The following BOD1L1 variants were observed in gnomAD, a reference collection of about 807,000 sequenced individuals.
BOD1L1 encodes the protein biorientation of chromosomes in cell division 1 like 1.
In BOD1L1, 86 loss-of-function variants were observed where a neutral mutation model predicts 240.7. That is an observed-to-expected ratio of 0.36 (90% CI 0.30 to 0.43). BOD1L1 has a LOEUF of 0.43. BOD1L1 is among the 20% of genes least tolerant of loss of function. The probability of loss-of-function intolerance (pLI) is 1.00; values close to 1 mark genes in which losing one functional copy is unlikely to be tolerated. For missense variants in BOD1L1, 3,554 were observed against 3,643.5 expected, an observed-to-expected ratio of 0.98 and a Z score of 0.63; for synonymous variants, 1,268 against 1,272.3, an observed-to-expected ratio of 1.00 and a Z score of 0.07.
At chr4:13,586,853 A>G (rs1560186325) in intron 16 of BOD1L1, among the ~76,000 whole-genome samples, 1 of 152,180 alleles carries the variant, frequency 6.6e-6, no homozygotes, top group African/African-American at 2.4e-5. Context: ...GTGAAGATAA[A>G]GTCGTAATTT....
At position 13,576,956 on chromosome 4, in the gene BOD1L1, C is replaced by G. The variant is rs1712801329; in HGVS notation, c.8920G>C (p.Val2974Leu). 1.9e-6 allele frequency: 3 copies of G among 1,613,930 alleles called. No individual in the cohort carries two copies. Among genetic ancestry groups the G allele is most frequent in the Non-Finnish European group, 2.5e-6 (3 of 1,179,854 alleles). ...SEPERKRQKS[V>L]SDPVEDKKEQ... Reference sequence around the variant, plus strand: ...TTCTTGTCCTCCACTGGATCAGAAACTGATTTCTGGCGTTTTCTTTCTGGC... The same window carrying G: ...TTCTTGTCCTCCACTGGATCAGAAAGTGATTTCTGGCGTTTTCTTTCTGGC... The change falls in exon 25 of 26, where the codon GTT becomes CTT. Residue 2974 changes from valine to leucine, a missense_variant. By Grantham distance (32) the Val-to-Leu change is conservative. Around this residue, in one of 2 missense-constraint regions of BOD1L1, gnomAD observed 3,393 missense variants for 3,427.1 expected, o/e 0.99. Transcript: ENST00000040738.
intron 17 of BOD1L1, 64 bp from the exon 18 acceptor site, chr4:13,582,800 CCCACA>C (rs1713343879): frequency 9.0e-7 from 1 of 1,107,692 alleles, no homozygotes; most frequent in Non-Finnish European, 1.3e-6. Context: ...ATTCATCCTC[CCCACA>C]CAAGTTTGCC....
chr4:13,611,123 A>G, intron 5 of BOD1L1, 23 bp from the exon 6 acceptor site: 1 of 1,543,016 alleles, frequency 6.5e-7, no homozygotes, highest in Non-Finnish European at 8.9e-7. Flanking sequence ...TAATAGAAAG[A>G]GGAGTATGTC....
chr4:13,572,968 G>T, intron 25 of BOD1L1: 1 of 840,502 alleles, frequency 1.2e-6, no homozygotes, highest in Non-Finnish European at 1.6e-6. Context: ...CAGAAAAATG[G>T]TTGGTTTTCC....
At chr4:13,596,300 T>A (rs1404586640) in intron 11 of BOD1L1, among the ~76,000 whole-genome samples, 1 of 152,096 alleles carries the variant, frequency 6.6e-6, no homozygotes, top group East Asian at 1.9e-4. Context: ...CCACGTGCCC[T>A]CCTGTCTCTG....
At position 13,603,420 on chromosome 4, in the gene BOD1L1, G is replaced by T. The variant is rs1715393376; in HGVS notation, c.3480C>A (p.Ala1160=). The change falls in exon 10 of 26, where the codon GCC becomes GCA. Residue 1160 remains alanine, a synonymous_variant. Transcript: ENST00000040738. The part of the protein sequence containing the change: ...DSENMKQKTS[A]TVQKDELRTC... ...TTCTCAATTCATCCTTTTGAACAGT[G>T]GCAGAAGTTTTTTGTTTCATATTTT... The T allele has an allele frequency of 1.2e-6, 2 of 1,613,402 alleles. No homozygotes were observed. Among genetic ancestry groups the T allele is most frequent in the African/African-American group, 2.7e-5 (2 of 74,812 alleles).
intron 3 of BOD1L1, among the ~76,000 whole-genome samples, 195 bp downstream of exon 3, chr4:13,615,117 T>C (rs1252285166): frequency 1.3e-5 from 2 of 152,218 alleles, no homozygotes; most frequent in African/African-American, 4.8e-5. Context: ...CACATCACAT[T>C]ACTACAATGC....
Position 13,614,385 on chromosome 4 carries a change from T to G in BOD1L1, c.985A>C (p.Asn329His), listed in dbSNP as rs754770990. 1.3e-6 allele frequency: 2 copies of G among 1,563,144 alleles called. No homozygotes were observed. Among genetic ancestry groups the G allele is most frequent in the African/African-American group, 2.7e-5 (2 of 73,804 alleles). Reference protein sequence around the residue: ...TDKGEKKPDSNEKGERKKEKK... With the variant: ...TDKGEKKPDSHEKGERKKEKK... The stretch of plus-strand genomic sequence containing the variant: ...TCTTTCTTTCTTTCTCCTTTCTCAT[T>G]GCTGTCTGGCTTCTTTTCACCTTTG... The change falls in exon 4 of 26, where the codon AAT (asparagine) becomes CAT (histidine). Residue 329 changes from asparagine to histidine, a missense_variant. Asn to His is a moderately conservative substitution (Grantham distance 68, BLOSUM62 1). Around this residue, in one of 2 missense-constraint regions of BOD1L1, gnomAD observed 3,393 missense variants for 3,427.1 expected, o/e 0.99. Coordinates refer to ENST00000040738, the MANE Select transcript of BOD1L1 (RefSeq NM_148894.3).
At chr4:13,595,667 T>C (rs1370591036) in intron 12 of BOD1L1, among the ~76,000 whole-genome samples, 193 bp downstream of exon 12, 2 of 152,206 alleles carry the variant, frequency 1.3e-5, no homozygotes, top group African/African-American at 4.8e-5. Flanking sequence ...ATAATGTTGA[T>C]TGACATTTCA....
At chr4:13,627,089 T>C (rs932492329) in intron 1 of BOD1L1, among the ~76,000 whole-genome samples, 2 of 152,186 alleles carry the variant, frequency 1.3e-5, no homozygotes, top group Non-Finnish European at 2.9e-5. Flanking sequence ...TCCAAACCAG[T>C]TCCTGTAAGA....
chr4:13,570,538 G>A (rs1712131204), intron 25 of BOD1L1, among the ~76,000 whole-genome samples: 1 of 152,144 alleles, frequency 6.6e-6, no homozygotes, highest in Admixed American at 6.5e-5. Context: ...ATCTAGGTTG[G>A]ACCAAGTGCA....
In BOD1L1 at chr4:13,604,753, A is replaced by C; in HGVS notation, c.2147T>G (p.Leu716Arg). 1 of 1,612,886 alleles carries C rather than the reference A, an allele frequency of 6.2e-7. No homozygotes were observed. The highest frequency in any genetic ancestry group is 8.5e-7 in the Non-Finnish European group (1 of 1,179,598). ...DDSETPHLKS[L>R]LKKEVKSSKE... ...GGAGGATTTCACCTCTTTCTTAAGT[A>C]GGCTTTTCAAATGTGGTGTTTCAGA... Residue 716 changes from leucine to arginine, a missense_variant, in exon 10 of 26, where the codon CTA becomes CGA. Physicochemically the swap from Leu to Arg is moderately radical, Grantham distance 102. Transcript: ENST00000040738.
At chr4:13,606,249 A>G (rs1715688829) in intron 9 of BOD1L1, among the ~76,000 whole-genome samples, 1 of 152,216 alleles carries the variant, frequency 6.6e-6, no homozygotes, top group Non-Finnish European at 1.5e-5. Context: ...CTATTTTATG[A>G]GATAATTTCT....
rs193157051 is a variant in BOD1L1 at position 13,627,297 on chromosome 4, G to A, written c.243+48C>T. 2.5e-4 allele frequency: 279 copies of A among 1,128,080 alleles called. 1 individual carries two copies. In the African/African-American group the frequency reaches 4.3e-3, roughly 17 times the overall value. The allele number at this position is 1,128,080 out of a possible 1,614,324, so 69.9% of individuals were successfully genotyped here. ...GCCACTGCAAAAGAAGCGCGCCCTT[G>A]GGTCCTCCCCTTCCCTCGCAGACCC... On this transcript the variant is annotated intron_variant, in intron 1 of 25. Transcript: ENST00000040738.
intron 13 of BOD1L1, among the ~76,000 whole-genome samples, chr4:13,591,587 A>T (rs1714224520): frequency 6.6e-6 from 1 of 152,272 alleles, no homozygotes; most frequent in African/African-American, 2.4e-5. Context: ...TTCTAAAAAC[A>T]TAAAGTGAAA....
chr4:13,607,970 T>C (rs1180903039), intron 8 of BOD1L1, among the ~76,000 whole-genome samples: 4 of 152,194 alleles, frequency 2.6e-5, no homozygotes, highest in African/African-American at 9.7e-5. Context: ...TGCAACTTGA[T>C]GGAATAGCAA....
At chr4:13,571,200 A>G (rs1712178826) in intron 25 of BOD1L1, among the ~76,000 whole-genome samples, 1 of 152,150 alleles carries the variant, frequency 6.6e-6, no homozygotes, top group Non-Finnish European at 1.5e-5. Flanking sequence ...AGCTGCTGAG[A>G]TTTATTCATT....
At position 13,619,964 on chromosome 4, in the gene BOD1L1, T is replaced by C; in HGVS notation, c.347A>G (p.Asn116Ser). The part of the protein sequence containing the change: ...PHLNKNQLRN[N>S]IRQQVLKSGM... ...TTACTTGAGGACTTGTTGTCTAATGTTGTTTCTTAGCTGGTTCTTATTGAG... is the reference window on the plus strand; with the variant it reads ...TTACTTGAGGACTTGTTGTCTAATGCTGTTTCTTAGCTGGTTCTTATTGAG... Residue 116 changes from asparagine to serine, a missense_variant, in exon 2 of 26, where the codon AAC becomes AGC. This residue lies in a region of BOD1L1 where 161 missense variants were observed against 216.4 expected (regional missense o/e 0.74). Transcript: ENST00000040738. The C allele has an allele frequency of 6.2e-7, 1 of 1,613,344 alleles. No individual in the cohort carries two copies. The highest frequency in any genetic ancestry group is 1.1e-5 in the South Asian group (1 of 90,890).
intron 17 of BOD1L1, among the ~76,000 whole-genome samples, chr4:13,585,604 G>A (rs1338882461): frequency 6.6e-6 from 1 of 152,104 alleles, no homozygotes; most frequent in African/African-American, 2.4e-5. Context: ...CAATGGGTGA[G>A]GCCAATCCTT....
Sources: allele counts gnomAD v4.1 joint callset (sites outside exome capture counted in the v4.1 genomes callset), GRCh38; gene constraint gnomAD v4.1.1; regional missense constraint gnomAD v4.1.1; transcripts MANE v1.5; gene names NCBI Gene and HGNC (gene_info 2026-07-23, HGNC 2026-07-21).